ASTN1: variants seen among roughly 807,000 people sequenced by gnomAD.
ASTN1 encodes astrotactin 1, also known as astrotactin-1.
Under a neutral mutation model 140.7 loss-of-function variants are expected in ASTN1, and 41 were observed. The observed-to-expected ratio is 0.29, with a 90% CI of 0.23 to 0.38. ASTN1 has a LOEUF of 0.38. ASTN1 is among the 10% of genes least tolerant of loss of function. The pLI is 1.00. For synonymous variants in ASTN1, 640 were observed against 652.2 expected (o/e 0.98, Z 0.29); for missense variants, 1,479 against 1,678.8 (o/e 0.88, Z 2.08).
chr1:177,148,948 G>A lies in ASTN1; in HGVS notation c.283+15446C>T, dbSNP rs573647829. ...ACTTTTTAAGACAAAGGAGAGCTGA[G>A]TATGCTTATAGGCTTAAGGAAAATA... is the stretch of plus-strand genomic sequence containing the variant. On this transcript the variant is annotated intron_variant, in intron 1 of 22. Transcript: ENST00000361833. Among the ~76,000 whole-genome samples, 5 of 149,476 alleles carry A rather than the reference G, an allele frequency of 3.3e-5. No individual in the cohort carries two copies. In the South Asian group the frequency reaches 6.3e-4, roughly 19 times the overall value.
downstream of ASTN1, chr1:176,857,747 G>C: frequency 2.4e-6 from 1 of 422,986 alleles, no homozygotes. Context: ...AAATGGATGT[G>C]AGAACAAAGA....
At chr1:177,064,437 T>C (rs1310340987) in intron 1 of ASTN1, among the ~76,000 whole-genome samples, 1 of 152,204 alleles carries the variant, frequency 6.6e-6, no homozygotes, top group African/African-American at 2.4e-5. Flanking sequence ...AGAAGTTCCA[T>C]ACCTATTAGC....
chr1:176,882,377 C>A (rs928174639), intron 20 of ASTN1, among the ~76,000 whole-genome samples: 1 of 152,192 alleles, frequency 6.6e-6, no homozygotes, highest in Non-Finnish European at 1.5e-5. Context: ...TCTGCCTCTG[C>A]CCTACTAGAC....
At chr1:176,876,094 G>T (rs1415056614) in intron 21 of ASTN1, among the ~76,000 whole-genome samples, 1 of 152,156 alleles carries the variant, frequency 6.6e-6, no homozygotes, top group East Asian at 1.9e-4. Context: ...ATGTATTTTT[G>T]CCAGGGATGG....
chr1:176,985,883 C>CACAA (rs1673879525), intron 8 of ASTN1, among the ~76,000 whole-genome samples: 1 of 150,838 alleles, frequency 6.6e-6, no homozygotes, highest in Admixed American at 6.6e-5. Context: ...CACACACACA[C>CACAA]ACACACACAC....
Position 176,863,670 on chromosome 1 carries a change from C to G in ASTN1, c.*614G>C. 1 of 985,690 alleles carries G rather than the reference C, an allele frequency of 1.0e-6. No individual in the cohort carries two copies. The highest frequency in any genetic ancestry group is 1.2e-6 in the Non-Finnish European group (1 of 830,154). 61.1% of individuals were successfully genotyped at this position (985,690 alleles called of 1,614,324 possible). A position where few individuals can be genotyped will look rare whatever the true frequency, so the allele number is the denominator to read the frequency against. On this transcript the variant is annotated 3_prime_UTR_variant, in exon 23 of 23. Coordinates refer to ENST00000361833, the MANE Select transcript of ASTN1 (RefSeq NM_004319.3). ...CAAAACCCAAGTGGCCCACTGGGGC[C>G]TATAATGAAAGCTGGTTTCACCTTT...
chr1:177,044,774 C>T (rs1428236200), intron 2 of ASTN1, among the ~76,000 whole-genome samples: 4 of 152,198 alleles, frequency 2.6e-5, no homozygotes, highest in African/African-American at 9.7e-5. Context: ...TAATTCTGTA[C>T]CTGTTTTCCT....
intron 16 of ASTN1, among the ~76,000 whole-genome samples, chr1:176,928,119 A>C (rs1671048049): frequency 6.6e-6 from 1 of 151,000 alleles, no homozygotes; most frequent in African/African-American, 2.4e-5. Flanking sequence ...TAAAATAATT[A>C]AATATATATG....
chr1:176,864,413 C>A lies in ASTN1; in HGVS notation c.3756G>T (p.Gly1252=). 1 of 1,614,110 alleles carries A rather than the reference C, an allele frequency of 6.2e-7. No homozygotes were observed. The change falls in exon 23 of 23, where the codon GGG becomes GGT. Residue 1252 remains glycine (G), a synonymous_variant. Transcript: ENST00000361833. The stretch of plus-strand genomic sequence containing the variant: ...AGGGTTTGATCTCGCTGTAGCGGCA[C>A]CCCAGGTACTTGAGTGAGCTGCGCC... ...SLRRSSLKYL[G]CRYSEIKPYG... is the part of the protein sequence containing the mutation.
At chr1:177,029,534 T>C (rs1048323142) in intron 5 of ASTN1, 100 bp downstream of exon 5, 10 of 1,244,236 alleles carry the variant, frequency 8.0e-6, no homozygotes, top group Non-Finnish European at 1.2e-5. Flanking sequence ...ACTGGTTTTG[T>C]TCCATAGAGC....
intron 15 of ASTN1, chr1:176,935,963 T>C (rs1671425146): frequency 7.1e-6 from 3 of 423,584 alleles, no homozygotes; most frequent in Admixed American, 3.6e-5. Flanking sequence ...AAAATCTGCT[T>C]TTATGTATCC....
At position 176,949,225 on chromosome 1, in the gene ASTN1, G is replaced by A; in HGVS notation, c.2014C>T (p.Pro672Ser). ...ATGTTATACAAGGTGGGGTCGTCCG[G>A]GAAGGGCGCCATCTGCTGGAGGCAC... ...QLCLQQMAPF[P>S]DDPTLYNILM... The change falls in exon 12 of 23, where the codon CCG becomes TCG. Residue 672 changes from proline (P) to serine (S), a missense_variant. Around this residue, in one of 3 missense-constraint regions of ASTN1, gnomAD observed 746 missense variants for 800.9 expected, o/e 0.93. Coordinates refer to ENST00000361833, the MANE Select transcript of ASTN1 (RefSeq NM_004319.3). 6.2e-7 allele frequency: 1 copy of A among 1,614,086 alleles called. No individual in the cohort carries two copies. Among genetic ancestry groups the A allele is most frequent in the South Asian group, 1.1e-5 (1 of 91,082 alleles).
Position 176,862,415 on chromosome 1 carries a change from G to C in ASTN1, c.*1869C>G. The C allele has an allele frequency of 1.0e-6, 1 of 985,452 alleles. No individual in the cohort carries two copies. Among genetic ancestry groups the C allele is most frequent in the Non-Finnish European group, 1.2e-6 (1 of 829,968 alleles). 61.0% of individuals were successfully genotyped at this position (985,452 alleles called of 1,614,324 possible). On this transcript the variant is annotated 3_prime_UTR_variant, in exon 23 of 23. Coordinates refer to ENST00000361833, the MANE Select transcript of ASTN1 (RefSeq NM_004319.3). ...TCCCAAGGGTGCTCTAGCTCCAAAGGCTAAGGGCGTACTTTCGCCCCTCCT... is the reference window on the plus strand; with the variant it reads ...TCCCAAGGGTGCTCTAGCTCCAAAGCCTAAGGGCGTACTTTCGCCCCTCCT...
rs149503477 is a variant in ASTN1 at position 177,054,809 on chromosome 1, G to T, written c.471+6269C>A. Among the ~76,000 whole-genome samples the T allele has an allele frequency of 4.5e-4, 69 of 152,270 alleles. No individual in the cohort carries two copies. The East Asian group carries it at 0.012, about 26-fold the overall frequency. ...ACATAAAAGCTTTGCAATTGAGAAA[G>T]ATTTATAGAATAGACTAGACAAAGA... On this transcript the variant is annotated intron_variant, in intron 2 of 22. Transcript: ENST00000361833.
chr1:177,044,626 T>C (rs1189120814), intron 2 of ASTN1, among the ~76,000 whole-genome samples: 1 of 152,238 alleles, frequency 6.6e-6, no homozygotes, highest in African/African-American at 2.4e-5. Context: ...TTGTCAGGTT[T>C]TGATTTGCTG....
At chr1:177,006,614 C>G (rs2101923758) in intron 8 of ASTN1, among the ~76,000 whole-genome samples, 1 of 152,262 alleles carries the variant, frequency 6.6e-6, no homozygotes, top group East Asian at 1.9e-4. Context: ...AAAATTGAAA[C>G]AATTTATCTT....
chr1:177,044,699 G>A lies in ASTN1; in HGVS notation c.472-11850C>T, dbSNP rs1042466560. 1.7e-4 allele frequency among the ~76,000 whole-genome samples: 26 copies of A among 152,320 alleles called. No homozygotes were observed. In the East Asian group the frequency reaches 4.8e-3, roughly 28 times the overall value. On this transcript the variant is annotated intron_variant, in intron 2 of 22. Transcript: ENST00000361833. ...CCAGAGACATTGGAGTGATACAAAGGCAGTCAGGGGTTCTTGCTTCCAAGG... is the reference window on the plus strand; with the variant it reads ...CCAGAGACATTGGAGTGATACAAAGACAGTCAGGGGTTCTTGCTTCCAAGG...
chr1:176,871,783 G>A (rs760214993), intron 21 of ASTN1, among the ~76,000 whole-genome samples: 2 of 152,198 alleles, frequency 1.3e-5, no homozygotes, highest in Non-Finnish European at 2.9e-5. Context: ...TTAAACAATG[G>A]AAAATAGTAT....
chr1:176,970,439 C>T (rs1275434657), intron 8 of ASTN1, among the ~76,000 whole-genome samples: 2 of 152,174 alleles, frequency 1.3e-5, no homozygotes, highest in East Asian at 1.9e-4. Flanking sequence ...CTAGTCCCAG[C>T]TTTCCACCTA....
Sources: gnomAD v4.1 joint callset for allele counts (sites outside exome capture counted in the v4.1 genomes callset) on GRCh38, gnomAD v4.1.1 for gene constraint, gnomAD v4.1.1 regional missense constraint, MANE v1.5 for transcripts, NCBI Gene and HGNC (gene_info 2026-07-23, HGNC 2026-07-21) for gene names.